Variants in TRRAP observed in about 807,000 individuals in gnomAD.
The protein encoded by TRRAP is transformation/transcription domain associated protein, also known as transformation/transcription domain-associated protein.
A neutral mutation model predicts 438.8 loss-of-function variants in TRRAP; 41 were observed. The observed-to-expected ratio is 0.09, with a 90% CI of 0.07 to 0.12. The LOEUF (loss-of-function observed/expected upper bound fraction) is 0.12. Ranked by LOEUF, TRRAP falls within the 10% of genes least tolerant of loss-of-function variation. The probability of loss-of-function intolerance (pLI) is 1.00; values close to 1 mark genes in which losing one functional copy is unlikely to be tolerated. For missense variants in TRRAP, 3,122 were observed against 5,055.1 expected (o/e 0.62, Z 11.60); for synonymous variants, 1,994 against 1,962.9 (o/e 1.02, Z -0.42).
At chr7:98,927,418 G>T in intron 23 of TRRAP, 52 bp downstream of exon 23, 1 of 1,581,400 alleles carries the variant, frequency 6.3e-7, no homozygotes, top group South Asian at 1.1e-5. Context: ...ACTTTTATAG[G>T]TGCTTTAAAA....
chr7:98,992,239 G>T lies in TRRAP; in HGVS notation c.9847+12G>T. 1 of 1,613,658 alleles carries T rather than the reference G, an allele frequency of 6.2e-7. No individual in the cohort carries two copies. The highest frequency in any genetic ancestry group is 8.5e-7 in the Non-Finnish European group (1 of 1,179,952). ...ACGCTACAAGAGCGGTACGTCTCGG[G>T]TGGGGCCGGTAGGCCAGGCCGGGAA... On this transcript the variant is annotated intron_variant, in intron 65 of 72. Transcript: ENST00000456197.
At position 98,984,102 on chromosome 7, in the gene TRRAP, C is replaced by A. The variant is rs142109326; in HGVS notation, c.9032C>A (p.Thr3011Asn). The A allele has an allele frequency of 7.3e-5, 117 of 1,601,376 alleles. No homozygotes were observed. Among genetic ancestry groups the A allele is most frequent in the Non-Finnish European group, 9.9e-5 (116 of 1,173,276 alleles). The change falls in exon 61 of 73, where the codon ACT (threonine) becomes AAT (asparagine). Residue 3011 changes from threonine (T) to asparagine (N), a missense_variant. Thr to Asn is a moderately conservative substitution (Grantham distance 65). Coordinates refer to ENST00000456197, the MANE Select transcript of TRRAP (RefSeq NM_001375524.1). ...WRQHHYQAIV[T>N]AYENSSQHDP... The stretch of plus-strand genomic sequence containing the variant: ...TTTCTTTGCCCTCTAGCGATTGTAA[C>A]TGCCTATGAGAATAGCTCTCAGCAT...
chr7:98,961,303 C>G lies in TRRAP; in HGVS notation c.6532C>G (p.Leu2178Val), dbSNP rs762066019. ...QVNYGNICTG[L>V]EVLSFLLTVL... Reference sequence around the variant, plus strand: ...GAACTATGGGAATATCTGCACGGGCCTAGAAGTGCTGAGCTTCCTGCTAAC... The same window carrying G: ...GAACTATGGGAATATCTGCACGGGCGTAGAAGTGCTGAGCTTCCTGCTAAC... The change falls in exon 46 of 73, where the codon CTA becomes GTA. Residue 2178 changes from leucine (L) to valine (V), a missense_variant. By Grantham distance (32) the Leu-to-Val change is conservative. This residue lies in a region of TRRAP where 992 missense variants were observed against 1,281.2 expected (regional missense o/e 0.77). Coordinates refer to ENST00000456197, the MANE Select transcript of TRRAP (RefSeq NM_001375524.1). 1.2e-6 allele frequency: 2 copies of G among 1,614,238 alleles called. No homozygotes were observed. The highest frequency in any genetic ancestry group is 1.7e-6 in the Non-Finnish European group (2 of 1,180,044).
At chr7:98,929,350 A>G (rs1790217505) in intron 23 of TRRAP, among the ~76,000 whole-genome samples, 1 of 152,200 alleles carries the variant, frequency 6.6e-6, no homozygotes. Flanking sequence ...GGCTTCCCAA[A>G]GTACTGGGCT....
intron 3 of TRRAP, 137 bp downstream of exon 3, chr7:98,882,161 T>C: frequency 1.3e-6 from 1 of 773,664 alleles, no homozygotes; most frequent in South Asian, 2.0e-5. Context: ...ATTTCGAAAC[T>C]GAAATCTGAA....
rs1554419715 is a variant in TRRAP, at chr7:98,956,166, C to T, written c.5958C>T (p.His1986=). Residue 1986 remains histidine (H), a synonymous_variant, in exon 42 of 73, where the codon CAC becomes CAT. Transcript: ENST00000456197. This position sits in a 1 kb window ranked among gnomAD's most constrained non-coding sequence, Gnocchi z 4.5. The part of the protein sequence containing the change: ...QHFKVYYPVR[H]HLVQHMVSAM... ...CGCAGGTGTACTACCCGGTACGGCA[C>T]CACTTGGTGCAGCACATGGTGAGCG... is the stretch of plus-strand genomic sequence containing the variant. 2 of 1,612,320 alleles carry T rather than the reference C, an allele frequency of 1.2e-6. No homozygotes were observed. Among genetic ancestry groups the T allele is most frequent in the Non-Finnish European group, 1.7e-6 (2 of 1,179,924 alleles).
intron 46 of TRRAP, 36 bp from the exon 47 acceptor site, chr7:98,962,266 C>T: frequency 2.5e-6 from 4 of 1,613,732 alleles, no homozygotes; most frequent in Non-Finnish European, 3.4e-6. Context: ...GCCCAAGAGC[C>T]ATAACCACAG....
intron 67 of TRRAP, chr7:98,999,440 T>C (rs1793819769): frequency 2.2e-6 from 2 of 928,494 alleles, no homozygotes; most frequent in Non-Finnish European, 3.5e-6. Context: ...CTAGCTCTGA[T>C]GGGAGGGGCT....
chr7:98,904,737 A>G (rs1365462953), intron 12 of TRRAP, among the ~76,000 whole-genome samples: 1 of 152,130 alleles, frequency 6.6e-6, no homozygotes, highest in Non-Finnish European at 1.5e-5. Flanking sequence ...TGTTTTTAAC[A>G]AGATATTATA....
At chr7:98,931,318 T>G in intron 25 of TRRAP, 87 bp from the exon 26 acceptor site, 2 of 1,545,530 alleles carry the variant, frequency 1.3e-6, no homozygotes, top group South Asian at 2.5e-5. Context: ...CCAGTGACAG[T>G]CTTTATGGCA....
At chr7:98,972,208 A>AT in intron 53 of TRRAP, among the ~76,000 whole-genome samples, 1 of 152,160 alleles carries the variant, frequency 6.6e-6, no homozygotes, top group South Asian at 2.1e-4. Flanking sequence ...CACCCAGCTA[A>AT]TTTGTTAATT....
intron 11 of TRRAP, among the ~76,000 whole-genome samples, chr7:98,901,300 C>T (rs1317709274): frequency 2.6e-5 from 4 of 152,212 alleles, no homozygotes; most frequent in South Asian, 4.1e-4. Flanking sequence ...TCCTCTTACA[C>T]GGCCACCGTC....
chr7:98,903,529 C>A lies in TRRAP; in HGVS notation c.1036+12C>A, dbSNP rs1357706263. The A allele has an allele frequency of 6.2e-7, 1 of 1,613,924 alleles. No homozygotes were observed. On this transcript the variant is annotated intron_variant, in intron 12 of 72. Transcript: ENST00000456197. Reference sequence around the variant, plus strand: ...AGAGCTGAGAAACCGTACGTCCAGCCTGTCTTGTCTTGAATGCTGATGCTA... The same window carrying A: ...AGAGCTGAGAAACCGTACGTCCAGCATGTCTTGTCTTGAATGCTGATGCTA...
Position 99,004,204 on chromosome 7 carries a change from G to A in TRRAP, c.10324G>A (p.Val3442Ile), listed in dbSNP as rs201183421. 542 of 1,610,578 alleles carry A rather than the reference G, an allele frequency of 3.4e-4. 1 individual carries two copies. The highest frequency in any genetic ancestry group is 1.4e-3 in the South Asian group (128 of 89,912). Residue 3442 changes from valine (V) to isoleucine (I), a missense_variant, in exon 68 of 73, where the codon GTT (valine) becomes ATT (isoleucine). This residue lies in a region of TRRAP where 107 missense variants were observed against 327.5 expected (regional missense o/e 0.33). Transcript: ENST00000456197. ...TTATTTTTAAGATTTTGACTTCAGCGTTCCAGGATCCATGAAGCTTCATAA... is the reference window on the plus strand; with the variant it reads ...TTATTTTTAAGATTTTGACTTCAGCATTCCAGGATCCATGAAGCTTCATAA... ...GQFTTDFDFS[V>I]PGSMKLHNLI...
At chr7:99,007,959 G>A (rs960534623) in intron 69 of TRRAP, among the ~76,000 whole-genome samples, 7 of 151,522 alleles carry the variant, frequency 4.6e-5, no homozygotes, top group African/African-American at 1.7e-4. Flanking sequence ...CTGAGTAGTT[G>A]GGATTACAGG....
At chr7:98,888,717 T>A (rs1447592368) in intron 3 of TRRAP, among the ~76,000 whole-genome samples, 3 of 152,240 alleles carry the variant, frequency 2.0e-5, no homozygotes, top group Non-Finnish European at 4.4e-5. Context: ...CAAGTTTTAG[T>A]GTAAATGTCA....
chr7:98,915,588 T>A, intron 18 of TRRAP, 135 bp from the exon 19 acceptor site: 2 of 1,044,114 alleles, frequency 1.9e-6, no homozygotes, highest in East Asian at 5.0e-5. Flanking sequence ...TATGCTTGTT[T>A]GGTTTTTTCC....
At chr7:98,894,524 A>T (rs916507550) in intron 6 of TRRAP, among the ~76,000 whole-genome samples, 3 of 152,032 alleles carry the variant, frequency 2.0e-5, no homozygotes, top group African/African-American at 7.2e-5. Context: ...TTAAAATAGA[A>T]ATTAAAAGCA....
intron 67 of TRRAP, among the ~76,000 whole-genome samples, chr7:98,996,556 T>A (rs779248454): frequency 3.3e-5 from 5 of 152,232 alleles, no homozygotes; most frequent in Non-Finnish European, 7.3e-5. Context: ...ATTAAATCAT[T>A]CACATTTAAA....
Sources: gnomAD v4.1 joint callset for allele counts (sites outside exome capture counted in the v4.1 genomes callset) on GRCh38, gnomAD v4.1.1 for gene constraint, gnomAD v4.1.1 regional missense constraint, Gnocchi (gnomAD v3.1) non-coding constraint, MANE v1.5 for transcripts, NCBI Gene and HGNC (gene_info 2026-07-23, HGNC 2026-07-21) for gene names.